Variants in ENAH observed in about 807,000 individuals in gnomAD.
ENAH encodes the protein ENAH actin regulator, also known as protein enabled homolog.
In ENAH, 23 loss-of-function variants were observed where a neutral mutation model predicts 78.7. That is an observed-to-expected ratio of 0.29 (90% confidence interval 0.21 to 0.41). The LOEUF (loss-of-function observed/expected upper bound fraction) is 0.41. Ranked by LOEUF, ENAH falls within the 10% of genes least tolerant of loss-of-function variation. The probability of loss-of-function intolerance (pLI) is 1.00; values close to 1 mark genes in which losing one functional copy is unlikely to be tolerated. For missense variants in ENAH, 544 were observed against 691.0 expected, an observed-to-expected ratio of 0.79 and a Z score of 2.39; for synonymous variants, 226 against 241.0, an observed-to-expected ratio of 0.94 and a Z score of 0.58.
chr1:225,642,138 T>C (rs116480325), intron 1 of ENAH, among the ~76,000 whole-genome samples: 1 of 150,852 alleles, frequency 6.6e-6, no homozygotes, highest in African/African-American at 2.4e-5. Context: ...GAGGCAGAGG[T>C]TGCAGTGAGC....
rs529877463 is a variant in ENAH, at chr1:225,592,171, A to C, written c.6-24757T>G. 2.6e-5 allele frequency among the ~76,000 whole-genome samples: 4 copies of C among 152,340 alleles called. No individual in the cohort carries two copies. In the East Asian group the frequency reaches 7.7e-4, roughly 29 times the overall value. On this transcript the variant is annotated intron_variant, in intron 1 of 13. Transcript: ENST00000366843. ...GGTAAATGGAGATTGCAAATAAATA[A>C]ATCTAGCTATCTGCTAGAACCACAA...
In ENAH at chr1:225,610,482, C is replaced by T. The variant is rs75277538; in HGVS notation, c.5+42204G>A. ...CTCTTAACATTTGGTAAGAAAAGAA[C>T]GATAGGTCCCCAGTAAAAAAAATTC... On this transcript the variant is annotated intron_variant, in intron 1 of 13. Transcript: ENST00000366843. 5.9e-5 allele frequency among the ~76,000 whole-genome samples: 9 copies of T among 152,110 alleles called. No individual in the cohort carries two copies. In the East Asian group the frequency reaches 1.3e-3, roughly 23 times the overall value.
intron 1 of ENAH, among the ~76,000 whole-genome samples, chr1:225,642,904 C>T (rs1661335564): frequency 6.6e-6 from 1 of 152,162 alleles, no homozygotes; most frequent in Admixed American, 6.5e-5. Context: ...ACACCTTTTA[C>T]CTATCACATT....
chr1:225,596,535 A>C (rs1334074624), intron 1 of ENAH, among the ~76,000 whole-genome samples: 1 of 152,220 alleles, frequency 6.6e-6, no homozygotes, highest in Non-Finnish European at 1.5e-5. Context: ...AGGGAAAAAA[A>C]CTGGCTTCCA....
intron 3 of ENAH, among the ~76,000 whole-genome samples, chr1:225,533,267 C>G (rs2151277678): frequency 6.6e-6 from 1 of 152,172 alleles, no homozygotes; most frequent in Admixed American, 6.5e-5. Context: ...CAAAGGCACC[C>G]CACATGACAT....
At chr1:225,542,513 ATCTC>A (rs1041082489) in intron 3 of ENAH, among the ~76,000 whole-genome samples, 13 of 152,206 alleles carry the variant, frequency 8.5e-5, no homozygotes, top group African/African-American at 3.1e-4. Flanking sequence ...TGCCTTCTCT[ATCTC>A]TCTGCGTGAC....
chr1:225,499,104 G>A (rs1308547559), intron 12 of ENAH, among the ~76,000 whole-genome samples: 2 of 152,026 alleles, frequency 1.3e-5, no homozygotes, highest in Admixed American at 6.6e-5. Context: ...AAAATAACTC[G>A]TTAGTAATTT....
intron 3 of ENAH, among the ~76,000 whole-genome samples, chr1:225,540,966 C>A (rs1012703434): frequency 6.6e-6 from 1 of 151,982 alleles, no homozygotes; most frequent in African/African-American, 2.4e-5. Flanking sequence ...GAAAGCCAGT[C>A]ACAAAAAAAA....
intron 1 of ENAH, among the ~76,000 whole-genome samples, chr1:225,571,862 C>T (rs1035342494): frequency 2.0e-5 from 3 of 152,136 alleles, no homozygotes; most frequent in African/African-American, 7.2e-5. Context: ...AAAGACTCAA[C>T]CCCCGCACCC....
At chr1:225,540,698 A>T (rs1171225121) in intron 3 of ENAH, among the ~76,000 whole-genome samples, 2 of 134,128 alleles carry the variant, frequency 1.5e-5, no homozygotes, top group South Asian at 2.7e-4. Context: ...CGTTTATTTA[A>T]AAAAAAAAAA....
chr1:225,607,717 T>C (rs2096964030), intron 1 of ENAH, among the ~76,000 whole-genome samples: 1 of 152,044 alleles, frequency 6.6e-6, no homozygotes, highest in Non-Finnish European at 1.5e-5. Flanking sequence ...AATGATAACT[T>C]ACCACCCACC....
rs1468604258 is a variant in ENAH at position 225,496,344 on chromosome 1, C to T, written c.*1431G>A. On this transcript the variant is annotated 3_prime_UTR_variant, in exon 14 of 14. Coordinates refer to ENST00000366843, the MANE Select transcript of ENAH (RefSeq NM_018212.6). ...TCCTTCTTCCCACCTTCCTTCTTCC[C>T]ACCACCCAAGTCTCACTTTACTTAT... 1 of 152,208 alleles carries T rather than the reference C, an allele frequency of 6.6e-6. No individual in the cohort carries two copies. Among genetic ancestry groups the T allele is most frequent in the Non-Finnish European group, 1.5e-5 (1 of 68,048 alleles). 9.4% of individuals were successfully genotyped at this position (152,208 alleles called of 1,614,324 possible).
intron 1 of ENAH, among the ~76,000 whole-genome samples, chr1:225,594,114 T>G (rs1375247675): frequency 6.6e-6 from 1 of 152,198 alleles, no homozygotes; most frequent in Non-Finnish European, 1.5e-5. Flanking sequence ...TCTTGTTATC[T>G]TGAGAACCAT....
intron 2 of ENAH, among the ~76,000 whole-genome samples, chr1:225,561,150 C>T (rs2151467516): frequency 6.6e-6 from 1 of 152,218 alleles, no homozygotes; most frequent in East Asian, 1.9e-4. Flanking sequence ...AGGAGAAAAG[C>T]TTGAACCAGG....
chr1:225,521,751 A>G (rs977531980), intron 4 of ENAH, among the ~76,000 whole-genome samples: 1 of 152,064 alleles, frequency 6.6e-6, no homozygotes, highest in Middle Eastern at 3.2e-3. Flanking sequence ...TACTTGAAAC[A>G]TAAGAACGTT....
intron 2 of ENAH, 74 bp from the exon 3 acceptor site, chr1:225,555,157 T>C (rs1482956037): frequency 3.9e-6 from 5 of 1,276,592 alleles, no homozygotes; most frequent in Non-Finnish European, 5.3e-6. Context: ...ATGCTGATTG[T>C]ATATATTCAT....
chr1:225,614,834 A>C (rs957172857), intron 1 of ENAH, among the ~76,000 whole-genome samples: 1 of 152,262 alleles, frequency 6.6e-6, no homozygotes, highest in South Asian at 2.1e-4. Flanking sequence ...ACAATACCAC[A>C]TTTACCTATT....
Position 225,652,786 on chromosome 1 carries a change from G to A in ENAH, c.-96C>T. The stretch of plus-strand genomic sequence containing the variant: ...CTCCTCCAGGGGTGGGGAGCAGCTC[G>A]GAGACGGGAGACAAGTGTCCGGCTC... On this transcript the variant is annotated 5_prime_UTR_variant, in exon 1 of 14. Coordinates refer to ENST00000366843, the MANE Select transcript of ENAH (RefSeq NM_018212.6). The A allele has an allele frequency of 1.9e-6, 2 of 1,056,314 alleles. No individual in the cohort carries two copies. Among genetic ancestry groups the A allele is most frequent in the Non-Finnish European group, 2.5e-6 (2 of 814,154 alleles). The allele number at this position is 1,056,314 out of a possible 1,614,324, so 65.4% of individuals were successfully genotyped here.
At chr1:225,561,082 A>G (rs895927431) in intron 2 of ENAH, among the ~76,000 whole-genome samples, 4 of 151,630 alleles carry the variant, frequency 2.6e-5, no homozygotes, top group African/African-American at 9.7e-5. Flanking sequence ...GAAAATACAA[A>G]AATTAGCTGG....
Sources: gnomAD v4.1 joint callset for allele counts (sites outside exome capture counted in the v4.1 genomes callset) on GRCh38, gnomAD v4.1.1 for gene constraint, MANE v1.5 for transcripts, NCBI Gene and HGNC (gene_info 2026-07-23, HGNC 2026-07-21) for gene names.